Variants in TENM3 observed in about 807,000 individuals in gnomAD.
The protein encoded by TENM3 is teneurin transmembrane protein 3.
Under a neutral mutation model 255.1 loss-of-function variants are expected in TENM3, and 63 were observed. That is an observed-to-expected ratio of 0.25 (90% CI 0.20 to 0.30). The LOEUF (loss-of-function observed/expected upper bound fraction) is 0.30. Among genes scored for constraint, TENM3 ranks in the 10% least tolerant of loss-of-function variants. TENM3 has a pLI of 1.00. For missense variants in TENM3, 2,929 were observed against 3,461.1 expected (o/e 0.85, Z 3.86); for synonymous variants, 1,306 against 1,322.3 (o/e 0.99, Z 0.27).
the TENM3 span, among the ~76,000 whole-genome samples, chr4:181,928,737 C>T: frequency 2.0e-5 from 3 of 152,078 alleles, no homozygotes; most frequent in Admixed American, 2.0e-4. Flanking sequence ...TCAGGTTCAC[C>T]AAGGTTGAAA....
intron 1 of TENM3, among the ~76,000 whole-genome samples, chr4:182,314,287 C>G (rs547556118): frequency 6.6e-6 from 1 of 150,932 alleles, no homozygotes; most frequent in African/African-American, 2.4e-5. Context: ...GGCGACAGAG[C>G]GAGACTCCGT....
At chr4:181,516,415 C>T in the TENM3 span, among the ~76,000 whole-genome samples, 343 of 149,634 alleles carry the variant, frequency 2.3e-3, 1 homozygote, top group African/African-American at 8.0e-3. Context: ...GGAATCAGAC[C>T]CAAAATCACA....
chr4:181,847,110 G>C, the TENM3 span, among the ~76,000 whole-genome samples: 1 of 152,296 alleles, frequency 6.6e-6, no homozygotes, highest in Admixed American at 6.5e-5. Flanking sequence ...AAGCTTAGTT[G>C]CTACATCAGG....
At chr4:182,679,636 TCTGA>T (rs1755963707) in intron 7 of TENM3, 26 bp from the exon 8 acceptor site, 6 of 1,565,706 alleles carry the variant, frequency 3.8e-6, no homozygotes, top group Non-Finnish European at 5.2e-6. Flanking sequence ...CCTTTATCTT[TCTGA>T]CTATTTTTCC....
At chr4:181,478,810 T>A in the TENM3 span, among the ~76,000 whole-genome samples, 3 of 152,196 alleles carry the variant, frequency 2.0e-5, no homozygotes, top group East Asian at 5.8e-4. Context: ...CCAGACAAAA[T>A]TGCCCAATCT....
chr4:182,802,852 T>G lies in TENM3; in HGVS notation c.*2501T>G, dbSNP rs1128956. On this transcript the variant is annotated 3_prime_UTR_variant, in exon 28 of 28. Coordinates refer to ENST00000511685, the MANE Select transcript of TENM3 (RefSeq NM_001080477.4). ...ACAAAAAAGAAATTGATATTCAAAG[T>G]ATTTTAGGCAAAGCCAGTCAAAATG... 33,125 of 152,536 alleles carry G rather than the reference T, an allele frequency of 0.22. 4,047 individuals are homozygous for G. Among genetic ancestry groups the G allele is most frequent in the African/African-American group, 0.34 (14,076 of 41,450 alleles). The allele number at this position is 152,536 out of a possible 1,614,324, so 9.4% of individuals were successfully genotyped here.
At chr4:181,520,255 C>T in the TENM3 span, among the ~76,000 whole-genome samples, 2 of 152,190 alleles carry the variant, frequency 1.3e-5, no homozygotes, top group Non-Finnish European at 2.9e-5. Flanking sequence ...AGTACAGTAG[C>T]ATCCTGCACC....
At chr4:182,358,441 G>A (rs1474331666) in intron 3 of TENM3, among the ~76,000 whole-genome samples, 1 of 151,934 alleles carries the variant, frequency 6.6e-6, no homozygotes, top group African/African-American at 2.4e-5. Flanking sequence ...CACATCCCTT[G>A]TAAGGTGGAT....
chr4:182,288,331 A>G (rs1230434591), intron 1 of TENM3, among the ~76,000 whole-genome samples: 1 of 152,158 alleles, frequency 6.6e-6, no homozygotes, highest in African/African-American at 2.4e-5. Flanking sequence ...CAGCCTCCCA[A>G]GGTGCTGGGA....
At chr4:182,003,022 G>A in the TENM3 span, among the ~76,000 whole-genome samples, 1 of 152,010 alleles carries the variant, frequency 6.6e-6, no homozygotes, top group Non-Finnish European at 1.5e-5. Context: ...GTTCAAGTGA[G>A]ATATATTGAT....
intron 3 of TENM3, among the ~76,000 whole-genome samples, chr4:182,532,059 A>G (rs970345677): frequency 1.3e-5 from 2 of 152,198 alleles, no homozygotes; most frequent in Non-Finnish European, 1.5e-5. Flanking sequence ...AGTTGGCACT[A>G]TGACTACATC....
At chr4:181,729,168 T>A in the TENM3 span, among the ~76,000 whole-genome samples, 1 of 152,326 alleles carries the variant, frequency 6.6e-6, no homozygotes, top group African/African-American at 2.4e-5. Flanking sequence ...TTCTGTGTGA[T>A]TCATTTTGCA....
chr4:181,536,203 C>T, the TENM3 span, among the ~76,000 whole-genome samples: 1 of 152,334 alleles, frequency 6.6e-6, no homozygotes, highest in African/African-American at 2.4e-5. Flanking sequence ...CTTTCCATTT[C>T]TACTAATTAG....
At chr4:182,167,252 A>T (rs1373807411) in intron 1 of TENM3, among the ~76,000 whole-genome samples, 1 of 152,208 alleles carries the variant, frequency 6.6e-6, no homozygotes, top group Admixed American at 6.5e-5. Flanking sequence ...TCTGGTGTAC[A>T]AAATGAAGAC....
chr4:182,713,980 G>A lies in TENM3; in HGVS notation c.2222-107G>A. 3.7e-6 allele frequency: 3 copies of A among 812,726 alleles called. No individual in the cohort carries two copies. In the South Asian group the frequency reaches 5.0e-5, roughly 14 times the overall value. 50.3% of individuals were successfully genotyped at this position (812,726 alleles called of 1,614,324 possible). A position where few individuals can be genotyped will look rare whatever the true frequency, so the allele number is the denominator to read the frequency against. On this transcript the variant is annotated intron_variant, in intron 12 of 27. Coordinates refer to ENST00000511685, the MANE Select transcript of TENM3 (RefSeq NM_001080477.4). ...CTATCCATGTGCAATTACAGTATTT[G>A]TGCTGTTTATAAAGGCCTGTTCCCA...
the TENM3 span, among the ~76,000 whole-genome samples, chr4:181,966,693 G>C: frequency 6.6e-6 from 1 of 152,196 alleles, no homozygotes; most frequent in South Asian, 2.1e-4. Flanking sequence ...TGAAGACATT[G>C]TGGACTAACA....
At chr4:182,044,771 ATTC>A in the TENM3 span, among the ~76,000 whole-genome samples, 1 of 152,224 alleles carries the variant, frequency 6.6e-6, no homozygotes, top group African/African-American at 2.4e-5. Context: ...TTGAATAAAA[ATTC>A]TTCTTTCTTT....
chr4:182,240,814 G>A (rs538101371), upstream of TENM3, among the ~76,000 whole-genome samples: 1 of 152,154 alleles, frequency 6.6e-6, no homozygotes, highest in Non-Finnish European at 1.5e-5. Flanking sequence ...AGCTCCAGAG[G>A]CTGCTGTTTT....
At chr4:181,917,952 G>A in the TENM3 span, among the ~76,000 whole-genome samples, 11 of 152,082 alleles carry the variant, frequency 7.2e-5, no homozygotes, top group Non-Finnish European at 1.0e-4. Flanking sequence ...ATGAGCCACC[G>A]TGCCCGGCCT....
Sources: gnomAD v4.1 joint callset for allele counts (sites outside exome capture counted in the v4.1 genomes callset) on GRCh38, gnomAD v4.1.1 for gene constraint, MANE v1.5 for transcripts, NCBI Gene and HGNC (gene_info 2026-07-23, HGNC 2026-07-21) for gene names.